The following GPC5 variants were observed in gnomAD, a reference collection of about 807,000 sequenced individuals.
The protein encoded by GPC5 is glypican-5.
In GPC5, 47 loss-of-function variants were observed where a neutral mutation model predicts 53.9. The ratio of observed to expected loss-of-function variants is 0.87; its 90% CI spans 0.69 to 1.11. The LOEUF (loss-of-function observed/expected upper bound fraction) is 1.11. GPC5 is among the 50% of genes most tolerant of loss of function. The probability of loss-of-function intolerance (pLI) is 0.00; values close to 1 mark genes in which losing one functional copy is unlikely to be tolerated. For missense variants in GPC5, 748 were observed against 713.1 expected (o/e 1.05, Z -0.56); for synonymous variants, 286 against 263.3 (o/e 1.09, Z -0.84).
At chr13:92,671,594 C>A (rs1322111978) in intron 7 of GPC5, among the ~76,000 whole-genome samples, 2 of 152,134 alleles carry the variant, frequency 1.3e-5, no homozygotes, top group Non-Finnish European at 2.9e-5. Flanking sequence ...AGTTCTTGAG[C>A]AGCAGTAATT....
intron 7 of GPC5, among the ~76,000 whole-genome samples, chr13:92,543,680 G>A (rs1032162878): frequency 1.1e-4 from 16 of 151,946 alleles, no homozygotes; most frequent in East Asian, 3.9e-4. Context: ...GAGAGAGTGC[G>A]CAGCTATAGC....
chr13:91,948,478 T>C (rs1242771898), intron 6 of GPC5, among the ~76,000 whole-genome samples: 3 of 152,098 alleles, frequency 2.0e-5, no homozygotes, highest in Admixed American at 6.5e-5. Context: ...TTCTCTCTTA[T>C]GGAACCTACG....
At chr13:92,151,485 T>C (rs960684200) in intron 7 of GPC5, among the ~76,000 whole-genome samples, 2 of 152,192 alleles carry the variant, frequency 1.3e-5, no homozygotes, top group Admixed American at 1.3e-4. Flanking sequence ...ATTAGCATTA[T>C]AAGAAGGCAT....
intron 7 of GPC5, among the ~76,000 whole-genome samples, chr13:92,156,575 T>C (rs1310622865): frequency 1.3e-5 from 2 of 152,146 alleles, no homozygotes; most frequent in African/African-American, 2.4e-5. Flanking sequence ...TTTTGTTTTA[T>C]TTAATTGGCA....
chr13:92,727,763 A>G (rs774831484), intron 7 of GPC5, among the ~76,000 whole-genome samples: 5 of 151,330 alleles, frequency 3.3e-5, no homozygotes, highest in African/African-American at 4.8e-5. Context: ...TTCATTTTCT[A>G]GACTTCATTG....
At chr13:92,348,741 G>T (rs2139263675) in intron 7 of GPC5, among the ~76,000 whole-genome samples, 1 of 151,888 alleles carries the variant, frequency 6.6e-6, no homozygotes, top group Admixed American at 6.6e-5. Flanking sequence ...GACCCACAAT[G>T]GTATAAAACT....
At chr13:92,703,886 T>TAATA (rs1453029058) in intron 7 of GPC5, among the ~76,000 whole-genome samples, 1 of 151,994 alleles carries the variant, frequency 6.6e-6, no homozygotes, top group African/African-American at 2.4e-5. Context: ...GGAATTCATT[T>TAATA]AATATTTAAT....
intron 5 of GPC5, among the ~76,000 whole-genome samples, chr13:91,856,728 A>G (rs912328268): frequency 6.6e-6 from 1 of 151,286 alleles, no homozygotes; most frequent in African/African-American, 2.4e-5. Context: ...CCTAGTCTGC[A>G]GCTTGCTGTT....
intron 7 of GPC5, among the ~76,000 whole-genome samples, chr13:92,195,083 T>A (rs1018578312): frequency 6.6e-6 from 1 of 152,150 alleles, no homozygotes; most frequent in African/African-American, 2.4e-5. Flanking sequence ...GAATTGACAA[T>A]GAATCTGAAA....
intron 4 of GPC5, among the ~76,000 whole-genome samples, chr13:91,730,344 G>A (rs562142399): frequency 2.6e-5 from 4 of 152,148 alleles, no homozygotes; most frequent in Non-Finnish European, 5.9e-5. Context: ...GAGCAATGTA[G>A]CACGAGTGGA....
At chr13:91,940,205 C>T (rs1421209759) in intron 6 of GPC5, among the ~76,000 whole-genome samples, 4 of 152,010 alleles carry the variant, frequency 2.6e-5, no homozygotes, top group Non-Finnish European at 5.9e-5. Flanking sequence ...TCTGTGAGTA[C>T]CAATGTTTAG....
intron 2 of GPC5, among the ~76,000 whole-genome samples, chr13:91,462,215 A>G (rs1594120126): frequency 6.6e-6 from 1 of 152,152 alleles, no homozygotes; most frequent in African/African-American, 2.4e-5. Context: ...AAATGAGAAT[A>G]TATAGAAGAG....
At chr13:92,042,458 C>T (rs1334665490) in intron 6 of GPC5, among the ~76,000 whole-genome samples, 1 of 151,838 alleles carries the variant, frequency 6.6e-6, no homozygotes, top group Non-Finnish European at 1.5e-5. Flanking sequence ...CAGGGGTGAT[C>T]CCTGAGTTAC....
rs187266417 is a variant in GPC5 at position 92,713,484 on chromosome 13, T to C, written c.1562-152798T>C. On this transcript the variant is annotated intron_variant, in intron 7 of 7. Transcript: ENST00000377067. ...TTAGCTGGGTGTGGTGGCGGGCACC[T>C]GTAGTCCCAGCTACTCAGGAGGCTG... 5.2e-3 allele frequency among the ~76,000 whole-genome samples: 779 copies of C among 149,766 alleles called. 8 individuals are homozygous for C. The highest frequency in any genetic ancestry group is 0.018 in the African/African-American group (749 of 40,794).
At chr13:92,616,291 A>C (rs1439576229) in intron 7 of GPC5, among the ~76,000 whole-genome samples, 1 of 152,210 alleles carries the variant, frequency 6.6e-6, no homozygotes, top group Non-Finnish European at 1.5e-5. Flanking sequence ...TCCACTATAG[A>C]AACACAAAGA....
chr13:92,654,531 C>T (rs12864692), intron 7 of GPC5, among the ~76,000 whole-genome samples: 36,198 of 151,868 alleles, frequency 0.24, 5,011 homozygotes, highest in South Asian at 0.39. Context: ...TTACACTTGA[C>T]CATTTCTATA....
intron 7 of GPC5, among the ~76,000 whole-genome samples, chr13:92,180,030 ATC>A (rs1303506967): frequency 2.0e-5 from 3 of 152,192 alleles, no homozygotes; most frequent in African/African-American, 7.2e-5. Context: ...GATTCCACTA[ATC>A]TCTCAGTTGT....
intron 7 of GPC5, among the ~76,000 whole-genome samples, chr13:92,681,078 T>G (rs1460865378): frequency 2.0e-5 from 3 of 151,950 alleles, no homozygotes; most frequent in Non-Finnish European, 4.4e-5. Context: ...GTCCAAAGAA[T>G]GTAGTTGAGA....
At chr13:92,300,667 C>G (rs897524380) in intron 7 of GPC5, among the ~76,000 whole-genome samples, 4 of 152,142 alleles carry the variant, frequency 2.6e-5, no homozygotes, top group Non-Finnish European at 4.4e-5. Context: ...TCTTTTAAGA[C>G]AGTGTAATGA....
Sources: gnomAD v4.1 joint callset for allele counts (sites outside exome capture counted in the v4.1 genomes callset) on GRCh38, gnomAD v4.1.1 for gene constraint, MANE v1.5 for transcripts, NCBI Gene and HGNC (gene_info 2026-07-23, HGNC 2026-07-21) for gene names.